The following CHD1L variants were observed in gnomAD, a reference collection of about 807,000 sequenced individuals.
CHD1L encodes chromodomain helicase DNA binding protein 1 like, also known as ATP-dependent chromatin remodeler CHD1L.
In CHD1L, 118 loss-of-function variants were observed where a neutral mutation model predicts 115.9. That is an observed-to-expected ratio of 1.02 (90% CI 0.88 to 1.19). CHD1L has a LOEUF of 1.19. CHD1L is among the 50% of genes most tolerant of loss of function. The probability of loss-of-function intolerance (pLI) is 0.00; values close to 1 mark genes in which losing one functional copy is unlikely to be tolerated. For synonymous variants in CHD1L, 411 were observed against 387.1 expected (o/e 1.06, Z -0.72); for missense variants, 1,179 against 1,065.3 (o/e 1.11, Z -1.49).
intron 1 of CHD1L, among the ~76,000 whole-genome samples, chr1:147,246,879 G>C (rs1666790471): frequency 6.6e-6 from 1 of 152,046 alleles, no homozygotes; most frequent in African/African-American, 2.4e-5. Context: ...TAGTTTTCTT[G>C]TTGTTTGGTG....
the CHD1L span, chr1:147,175,827 C>T: frequency 2.0e-5 from 3 of 151,812 alleles, no homozygotes; most frequent in Non-Finnish European, 2.9e-5. Context: ...TCGATACATA[C>T]AATAATATTG....
chr1:147,280,334 T>G (rs1680347397), intron 15 of CHD1L, 143 bp downstream of exon 15: 1 of 818,350 alleles, frequency 1.2e-6, no homozygotes, highest in Non-Finnish European at 1.7e-6. Context: ...TGTTTAAGAC[T>G]TGCTTGATAA....
the CHD1L span, among the ~76,000 whole-genome samples, chr1:147,191,514 C>A: frequency 5.3e-5 from 8 of 149,786 alleles, no homozygotes; most frequent in Admixed American, 2.7e-4. Flanking sequence ...ATCCTTTGCC[C>A]ACTTTTTGAT....
At chr1:147,283,630 G>A (rs1406936741) in intron 15 of CHD1L, among the ~76,000 whole-genome samples, 2 of 152,182 alleles carry the variant, frequency 1.3e-5, no homozygotes, top group Admixed American at 1.3e-4. Flanking sequence ...ACAGCATGAA[G>A]TGCTATTCAA....
chr1:147,228,150 C>G, the CHD1L span, among the ~76,000 whole-genome samples: 1 of 151,988 alleles, frequency 6.6e-6, no homozygotes, highest in African/African-American at 2.4e-5. Flanking sequence ...CTAATGCTAT[C>G]CCTTCCCCAG....
At chr1:147,279,711 G>GGT (rs1680047343) in intron 14 of CHD1L, among the ~76,000 whole-genome samples, 1 of 152,076 alleles carries the variant, frequency 6.6e-6, no homozygotes, top group Non-Finnish European at 1.5e-5. Context: ...GTCAGTGAGA[G>GGT]GTGCTGTAGA....
the CHD1L span, among the ~76,000 whole-genome samples, chr1:147,236,706 C>G: frequency 3.3e-5 from 5 of 151,970 alleles, no homozygotes; most frequent in Admixed American, 1.3e-4. Context: ...GTCAACTCAG[C>G]TCTTAGCAGA....
chr1:147,192,273 A>G, the CHD1L span, among the ~76,000 whole-genome samples: 1 of 152,012 alleles, frequency 6.6e-6, no homozygotes, highest in Non-Finnish European at 1.5e-5. Context: ...CTTTGAAGCA[A>G]TTGTGAATGG....
the CHD1L span, chr1:147,174,926 T>C: frequency 6.6e-6 from 1 of 152,148 alleles, no homozygotes; most frequent in Non-Finnish European, 1.5e-5. Flanking sequence ...TTCTGCCTAA[T>C]AAACAGAAAA....
chr1:147,175,017 G>A, the CHD1L span: 3 of 152,182 alleles, frequency 2.0e-5, no homozygotes, highest in African/African-American at 4.8e-5. Context: ...GAGGATGTGA[G>A]AATGAAGGAT....
the CHD1L span, chr1:147,178,465 C>T: frequency 4.3e-6 from 7 of 1,611,386 alleles, no homozygotes; most frequent in Admixed American, 8.3e-5. Flanking sequence ...TTATGATGGA[C>T]CTAGGACTGC....
chr1:147,228,338 C>G, the CHD1L span, among the ~76,000 whole-genome samples: 1 of 152,076 alleles, frequency 6.6e-6, no homozygotes. Context: ...AGGACATGAA[C>G]TCATCATTTT....
At chr1:147,293,828 G>C (rs1047861122) in intron 21 of CHD1L, 106 bp downstream of exon 21, 3 of 873,094 alleles carry the variant, frequency 3.4e-6, no homozygotes, top group Non-Finnish European at 3.6e-6. Context: ...TAATATGCAC[G>C]GTAAAGGCAA....
At chr1:147,231,257 G>A in the CHD1L span, among the ~76,000 whole-genome samples, 17 of 151,972 alleles carry the variant, frequency 1.1e-4, no homozygotes, top group South Asian at 6.2e-4. Context: ...CCTTCATTTC[G>A]TTATGTACCC....
At chr1:147,294,862 A>T (rs1479571692) in intron 22 of CHD1L, among the ~76,000 whole-genome samples, 1 of 152,244 alleles carries the variant, frequency 6.6e-6, no homozygotes, top group Non-Finnish European at 1.5e-5. Flanking sequence ...CTTAATTCTA[A>T]GAACTTCACA....
rs1671282687 is a variant in CHD1L, at chr1:147,259,733, T to C, written c.495-104T>C. 6.4e-6 allele frequency: 6 copies of C among 941,272 alleles called. No homozygotes were observed. In the South Asian group the frequency reaches 9.1e-5, roughly 14 times the overall value. The allele number at this position is 941,272 out of a possible 1,614,324, so 58.3% of individuals were successfully genotyped here. ...GGCATTTGTAATAGAAGGGGCTTAC[T>C]GTTAAGTCTTTTTAATAACAGTCAC... On this transcript the variant is annotated intron_variant, in intron 5 of 22. Coordinates refer to ENST00000369258, the MANE Select transcript of CHD1L (RefSeq NM_004284.6).
the CHD1L span, among the ~76,000 whole-genome samples, chr1:147,232,546 C>T: frequency 5.9e-5 from 9 of 152,152 alleles, no homozygotes; most frequent in South Asian, 2.1e-4. Context: ...CCTGTGATGC[C>T]GAGCCGAAGC....
chr1:147,200,518 T>G, the CHD1L span, among the ~76,000 whole-genome samples: 1 of 152,154 alleles, frequency 6.6e-6, no homozygotes, highest in African/African-American at 2.4e-5. Flanking sequence ...AACATTATAG[T>G]TTTTTAATGA....
the CHD1L span, among the ~76,000 whole-genome samples, chr1:147,236,909 C>G: frequency 6.6e-6 from 1 of 152,232 alleles, no homozygotes; most frequent in African/African-American, 2.4e-5. Context: ...GCTTCAGGCC[C>G]TCCCCAGCTT....
Sources: allele counts gnomAD v4.1 joint callset (sites outside exome capture counted in the v4.1 genomes callset), GRCh38; gene constraint gnomAD v4.1.1; transcripts MANE v1.5; gene names NCBI Gene and HGNC (gene_info 2026-07-23, HGNC 2026-07-21).